B3GALT1: variants seen among roughly 807,000 people sequenced by gnomAD.
The protein encoded by B3GALT1 is beta-1,3-galactosyltransferase 1.
A neutral mutation model predicts 23.2 loss-of-function variants in B3GALT1; 10 were observed. The observed-to-expected ratio is 0.43, with a 90% confidence interval of 0.27 to 0.73. The LOEUF (loss-of-function observed/expected upper bound fraction) is 0.73, where lower values mean the gene tolerates loss of function less well. Ranked by LOEUF, B3GALT1 falls within the 30% of genes least tolerant of loss-of-function variation. B3GALT1 has a pLI of 0.21. For synonymous variants in B3GALT1, 156 were observed against 141.5 expected (o/e 1.10, Z -0.73); for missense variants, 299 against 405.4 (o/e 0.74, Z 2.25).
chr2:167,803,998 T>C (rs140208710), intron 3 of B3GALT1, among the ~76,000 whole-genome samples: 1 of 152,288 alleles, frequency 6.6e-6, no homozygotes, highest in Non-Finnish European at 1.5e-5. Flanking sequence ...TTATGACTCT[T>C]CTCAAAATGT....
intron 3 of B3GALT1, among the ~76,000 whole-genome samples, chr2:167,665,639 G>T (rs1322810139): frequency 1.3e-5 from 2 of 151,956 alleles, no homozygotes; most frequent in Non-Finnish European, 2.9e-5. Flanking sequence ...CACAATTTCA[G>T]ATCCTGTTAT....
At chr2:167,361,060 A>G (rs1249210508) in intron 1 of B3GALT1, among the ~76,000 whole-genome samples, 2 of 152,210 alleles carry the variant, frequency 1.3e-5, no homozygotes, top group Non-Finnish European at 2.9e-5. Context: ...TGGTGGCTCA[A>G]TAATATTCCA....
chr2:167,562,359 T>G (rs566600025), intron 2 of B3GALT1, among the ~76,000 whole-genome samples: 1,718 of 152,122 alleles, frequency 0.011, 26 homozygotes, highest in African/African-American at 0.039. Flanking sequence ...CATACTGAAT[T>G]GGCAAAAACT....
chr2:167,411,758 C>T (rs1559088583), intron 1 of B3GALT1, among the ~76,000 whole-genome samples: 1 of 152,154 alleles, frequency 6.6e-6, no homozygotes, highest in Non-Finnish European at 1.5e-5. Flanking sequence ...GAAATACCTG[C>T]ACTTCCATGT....
chr2:167,721,487 G>A (rs957858655), intron 3 of B3GALT1, among the ~76,000 whole-genome samples: 4 of 152,128 alleles, frequency 2.6e-5, no homozygotes, highest in East Asian at 1.9e-4. Context: ...AATGCCAGAT[G>A]TATCTTAAGA....
intron 1 of B3GALT1, among the ~76,000 whole-genome samples, chr2:167,472,562 G>T (rs1172511353): frequency 6.6e-6 from 1 of 152,040 alleles, no homozygotes; most frequent in Admixed American, 6.6e-5. Flanking sequence ...TTAGCATAAA[G>T]TTCAAGTCTC....
At chr2:167,446,532 G>T (rs1362522322) in intron 1 of B3GALT1, among the ~76,000 whole-genome samples, 1 of 152,032 alleles carries the variant, frequency 6.6e-6, no homozygotes, top group Non-Finnish European at 1.5e-5. Context: ...TTTTCACATG[G>T]TCCCATATTT....
chr2:167,551,991 T>G (rs1683756018), intron 2 of B3GALT1, among the ~76,000 whole-genome samples: 1 of 152,206 alleles, frequency 6.6e-6, no homozygotes, highest in Non-Finnish European at 1.5e-5. Flanking sequence ...ATTTCTGTCA[T>G]GTTCTAGGGT....
At chr2:167,773,395 T>G (rs1574255301) in intron 3 of B3GALT1, among the ~76,000 whole-genome samples, 1 of 152,212 alleles carries the variant, frequency 6.6e-6, no homozygotes, top group East Asian at 1.9e-4. Flanking sequence ...TATGTCCTCA[T>G]GACTAACACT....
rs182118996 is a variant in B3GALT1 at position 167,743,074 on chromosome 2, A to T, written c.-351-75598A>T. ...TCTATGAATATTATTTTTAAGGAGC[A>T]TCCATATATAATTGTTACTGTAGCT... On this transcript the variant is annotated intron_variant, in intron 3 of 4. Coordinates refer to ENST00000392690, the MANE Select transcript of B3GALT1 (RefSeq NM_020981.4). 1.1e-3 allele frequency among the ~76,000 whole-genome samples: 167 copies of T among 152,232 alleles called. 1 individual carries two copies. The highest frequency in any genetic ancestry group is 3.6e-3 in the African/African-American group (151 of 41,568).
At chr2:167,315,459 T>G (rs1223693544) in intron 1 of B3GALT1, among the ~76,000 whole-genome samples, 1 of 152,088 alleles carries the variant, frequency 6.6e-6, no homozygotes, top group Non-Finnish European at 1.5e-5. Flanking sequence ...GCAGTAGTGG[T>G]TGTCACCAAC....
At chr2:167,396,837 G>A (rs1253738069) in intron 1 of B3GALT1, among the ~76,000 whole-genome samples, 1 of 151,880 alleles carries the variant, frequency 6.6e-6, no homozygotes, top group Non-Finnish European at 1.5e-5. Flanking sequence ...CACAGTTTAG[G>A]GAAAGGAAAA....
At chr2:167,730,476 A>G (rs550721916) in intron 3 of B3GALT1, among the ~76,000 whole-genome samples, 19 of 152,308 alleles carry the variant, frequency 1.2e-4, no homozygotes, top group African/African-American at 4.6e-4. Flanking sequence ...CAAACCCATT[A>G]TCTCCTGAGA....
At chr2:167,703,631 G>T (rs1239282493) in intron 3 of B3GALT1, among the ~76,000 whole-genome samples, 1 of 152,170 alleles carries the variant, frequency 6.6e-6, no homozygotes, top group Non-Finnish European at 1.5e-5. Flanking sequence ...CAGAGCTTTT[G>T]TAAGAAAGCA....
chr2:167,399,030 T>C (rs1698143862), intron 1 of B3GALT1, among the ~76,000 whole-genome samples: 1 of 152,190 alleles, frequency 6.6e-6, no homozygotes, highest in Non-Finnish European at 1.5e-5. Context: ...GTTCTAGATA[T>C]GGCAAACTGC....
At chr2:167,424,571 GTGTGTT>G (rs1278801916) in intron 1 of B3GALT1, among the ~76,000 whole-genome samples, 5 of 152,014 alleles carry the variant, frequency 3.3e-5, no homozygotes, top group South Asian at 2.1e-4. Context: ...GTTTGTGTGT[GTGTGTT>G]TGTGTTTGTG....
At chr2:167,663,491 G>A (rs906680838) in intron 3 of B3GALT1, among the ~76,000 whole-genome samples, 1 of 152,070 alleles carries the variant, frequency 6.6e-6, no homozygotes, top group African/African-American at 2.4e-5. Flanking sequence ...TGGGGTGGCT[G>A]GGTCAAATGG....
At chr2:167,814,403 T>C (rs1048609772) in intron 3 of B3GALT1, among the ~76,000 whole-genome samples, 1 of 152,214 alleles carries the variant, frequency 6.6e-6, no homozygotes, top group Non-Finnish European at 1.5e-5. Context: ...CTAGAGAAGC[T>C]ATAACAATAC....
intron 1 of B3GALT1, among the ~76,000 whole-genome samples, chr2:167,436,130 A>G (rs1164524604): frequency 6.6e-6 from 1 of 152,162 alleles, no homozygotes; most frequent in Admixed American, 6.5e-5. Flanking sequence ...CAACTCATGT[A>G]ACATCACTTC....
Sources: gnomAD v4.1 joint callset for allele counts (sites outside exome capture counted in the v4.1 genomes callset) on GRCh38, gnomAD v4.1.1 for gene constraint, MANE v1.5 for transcripts, NCBI Gene and HGNC (gene_info 2026-07-23, HGNC 2026-07-21) for gene names.